The following DENND4C variants were observed in gnomAD, a reference collection of about 807,000 sequenced individuals.
The protein encoded by DENND4C is DENN domain-containing protein 4C.
DENND4C carries 108 observed loss-of-function variants against 203.0 expected under a neutral mutation model. That is an observed-to-expected ratio of 0.53 (90% CI 0.46 to 0.62). The LOEUF (loss-of-function observed/expected upper bound fraction) is 0.62, where lower values mean the gene tolerates loss of function less well. Ranked by LOEUF, DENND4C falls within the 20% of genes least tolerant of loss-of-function variation. The pLI, the probability that DENND4C is intolerant of heterozygous loss-of-function variation, is 0.00. For synonymous variants in DENND4C, 871 were observed against 792.4 expected, an observed-to-expected ratio of 1.10 and a Z score of -1.67; for missense variants, 2,481 against 2,301.2, an observed-to-expected ratio of 1.08 and a Z score of -1.60.
intron 1 of DENND4C, among the ~76,000 whole-genome samples, chr9:19,242,359 C>T (rs1327491361): frequency 6.6e-6 from 1 of 152,118 alleles, no homozygotes; most frequent in Non-Finnish European, 1.5e-5. Flanking sequence ...TTGGTGATTA[C>T]GAATAAAGCT....
At chr9:19,357,401 C>T (rs898318608) in intron 27 of DENND4C, 77 of 415,952 alleles carry the variant, frequency 1.9e-4, no homozygotes, top group Non-Finnish European at 3.1e-4. Context: ...AAATATTTCC[C>T]TTTTAATATA....
intron 6 of DENND4C, 57 bp downstream of exon 6, chr9:19,296,303 A>G: frequency 6.0e-6 from 7 of 1,162,708 alleles, no homozygotes; most frequent in Non-Finnish European, 8.6e-6. Context: ...AAATATATAC[A>G]TTTGTTTGTG....
Position 19,283,612 on chromosome 9 carries a change from T to TTC in DENND4C, c.306-3156_306-3155insCT, listed in dbSNP as rs201992786. 7.5e-3 allele frequency among the ~76,000 whole-genome samples: 1,035 copies of TTC among 137,956 alleles called. 2 individuals are homozygous for TTC. The highest frequency in any genetic ancestry group is 0.024 in the East Asian group (120 of 4,960). The allele number at this position is 137,956 out of a possible 152,430, so 90.5% of individuals were successfully genotyped here. ...TCAGATGCATTTCTTTTTTCTTTCT[T>TTC]TTTTTTTTTTTTTTTTGAGACAGAG... On this transcript the variant is annotated intron_variant, in intron 2 of 32. Coordinates refer to ENST00000434457, the MANE Select transcript of DENND4C (RefSeq NM_001330640.2).
intron 8 of DENND4C, among the ~76,000 whole-genome samples, 156 bp from the exon 9 acceptor site, chr9:19,300,031 A>G (rs567383177): frequency 6.6e-6 from 1 of 152,366 alleles, no homozygotes; most frequent in East Asian, 1.9e-4. Context: ...TCACCCCGTT[A>G]TCTATCTTAT....
intron 1 of DENND4C, among the ~76,000 whole-genome samples, chr9:19,256,472 A>C (rs1196809029): frequency 6.6e-6 from 1 of 151,272 alleles, no homozygotes; most frequent in East Asian, 2.0e-4. Context: ...ATGCGCCACC[A>C]CACCCGGCTA....
chr9:19,230,629 G>C (rs1038394295), upstream of DENND4C: 4 of 152,076 alleles, frequency 2.6e-5, no homozygotes, highest in Admixed American at 2.0e-4. Context: ...CCAGCGCTCC[G>C]GCCATCGCCC....
chr9:19,300,851 T>G (rs999100332), intron 9 of DENND4C, among the ~76,000 whole-genome samples: 1 of 152,224 alleles, frequency 6.6e-6, no homozygotes, highest in African/African-American at 2.4e-5. Context: ...AGTTGTTCCC[T>G]GCTTAAAACC....
chr9:19,317,461 G>A (rs1015596781), intron 12 of DENND4C, among the ~76,000 whole-genome samples: 2 of 152,020 alleles, frequency 1.3e-5, no homozygotes, highest in African/African-American at 4.8e-5. Flanking sequence ...GAATTATAGA[G>A]ATTTTTGTTG....
Position 19,316,483 on chromosome 9 carries a change from C to T in DENND4C, c.1554C>T (p.Ser518=), listed in dbSNP as rs1841871491. The T allele has an allele frequency of 1.2e-6, 2 of 1,613,624 alleles. No homozygotes were observed. The highest frequency in any genetic ancestry group is 1.7e-6 in the Non-Finnish European group (2 of 1,179,924). ...AAAAGCCGTGCAAAAATCTACTTAG[C>T]ACCTTAAAGAAATTGTATCCCCAGC... ...LPKKPCKNLL[S]TLKKLYPQLS... is the part of the protein sequence containing the mutation. The change falls in exon 11 of 33, where the codon AGC becomes AGT. Residue 518 remains serine (S), a synonymous_variant. Coordinates refer to ENST00000434457, the MANE Select transcript of DENND4C (RefSeq NM_001330640.2).
intron 1 of DENND4C, among the ~76,000 whole-genome samples, chr9:19,245,399 G>T (rs896930951): frequency 2.0e-5 from 3 of 151,538 alleles, no homozygotes; most frequent in African/African-American, 7.3e-5. Context: ...CCCGGGAGGC[G>T]GAGCTTGCAG....
At chr9:19,245,549 T>A (rs1180287326) in intron 1 of DENND4C, among the ~76,000 whole-genome samples, 2 of 146,990 alleles carry the variant, frequency 1.4e-5, no homozygotes, top group Non-Finnish European at 3.0e-5. Context: ...CACCATGATC[T>A]GTAACTTAAA....
intron 24 of DENND4C, 147 bp from the exon 25 acceptor site, chr9:19,351,922 CTCTT>C (rs1480576646): frequency 1.6e-5 from 9 of 554,322 alleles, no homozygotes; most frequent in East Asian, 3.0e-5. Flanking sequence ...TTAACTTTAT[CTCTT>C]TCTATGTATG....
At chr9:19,281,312 A>T (rs987341184) in intron 2 of DENND4C, among the ~76,000 whole-genome samples, 1 of 152,132 alleles carries the variant, frequency 6.6e-6, no homozygotes, top group Admixed American at 6.5e-5. Flanking sequence ...GCTAATCATG[A>T]TGGTTAATAT....
At position 19,284,467 on chromosome 9, in the gene DENND4C, G is replaced by A. The variant is rs1440118617; in HGVS notation, c.306-2302G>A. On this transcript the variant is annotated intron_variant, in intron 2 of 32. Coordinates refer to ENST00000434457, the MANE Select transcript of DENND4C (RefSeq NM_001330640.2). Reference sequence around the variant, plus strand: ...TGTATTTGTGGAGGTGTGTTTTCAGGTAGATCCTAGAAAAAATTGCTGGAT... The same window carrying A: ...TGTATTTGTGGAGGTGTGTTTTCAGATAGATCCTAGAAAAAATTGCTGGAT... 2.0e-5 allele frequency among the ~76,000 whole-genome samples: 3 copies of A among 152,160 alleles called. No individual in the cohort carries two copies. The East Asian group carries it at 5.8e-4, about 29-fold the overall frequency.
At position 19,357,011 on chromosome 9, in the gene DENND4C, A is replaced by G; in HGVS notation, c.4821A>G (p.Gln1607=). The G allele has an allele frequency of 1.9e-6, 3 of 1,613,918 alleles. No individual in the cohort carries two copies. Among genetic ancestry groups the G allele is most frequent in the South Asian group, 1.1e-5 (1 of 91,074 alleles). ...CAAGTACCTCTGGTGACAGTTTACA[A>G]AGTGGAAGCATTCCATTGGCAAATG... ...LKPSTSGDSL[Q]SGSIPLANES... The change falls in exon 27 of 33, where the codon CAA becomes CAG. Residue 1607 remains glutamine (Q), a synonymous_variant. Coordinates refer to ENST00000434457, the MANE Select transcript of DENND4C (RefSeq NM_001330640.2).
chr9:19,247,818 A>T (rs886104427), intron 1 of DENND4C, among the ~76,000 whole-genome samples: 1 of 152,210 alleles, frequency 6.6e-6, no homozygotes. Context: ...CTCTCAGTAA[A>T]TGGTACTATC....
At position 19,316,778 on chromosome 9, in the gene DENND4C, A is replaced by T. The variant is rs1210353725; in HGVS notation, c.1746A>T (p.Arg582Ser). The change falls in exon 12 of 33, where the codon AGA (arginine) becomes AGT (serine). Residue 582 changes from arginine (R) to serine (S), a missense_variant. Around this residue, in one of 3 missense-constraint regions of DENND4C, gnomAD observed 2,289 missense variants for 2,113.3 expected, o/e 1.08. Coordinates refer to ENST00000434457, the MANE Select transcript of DENND4C (RefSeq NM_001330640.2). ...SILKGYRTYL[R>S]PITEAPSNKA... The stretch of plus-strand genomic sequence containing the variant: ...TAAAAGGATATAGAACATATCTCAG[A>T]CCAATCACAGAGGCTCCTTCAAATA... 1 of 1,613,928 alleles carries T rather than the reference A, an allele frequency of 6.2e-7. No homozygotes were observed. Among genetic ancestry groups the T allele is most frequent in the Non-Finnish European group, 8.5e-7 (1 of 1,179,984 alleles).
chr9:19,305,816 A>G (rs1276628850), intron 10 of DENND4C, among the ~76,000 whole-genome samples: 1 of 152,214 alleles, frequency 6.6e-6, no homozygotes, highest in African/African-American at 2.4e-5. Flanking sequence ...TAATGGTTAA[A>G]CACTGCTTTC....
chr9:19,304,452 G>C (rs1278211337), intron 9 of DENND4C, among the ~76,000 whole-genome samples: 1 of 151,958 alleles, frequency 6.6e-6, no homozygotes, highest in Non-Finnish European at 1.5e-5. Context: ...CCAAAGTGCT[G>C]GGATTATAGA....
Sources: gnomAD v4.1 joint callset for allele counts (sites outside exome capture counted in the v4.1 genomes callset) on GRCh38, gnomAD v4.1.1 for gene constraint, gnomAD v4.1.1 regional missense constraint, MANE v1.5 for transcripts, NCBI Gene and HGNC (gene_info 2026-07-23, HGNC 2026-07-21) for gene names.